ABHD12: variants seen among roughly 807,000 people sequenced by gnomAD.
ABHD12 encodes the protein abhydrolase domain containing 12, lysophospholipase.
In ABHD12, 43 loss-of-function variants were observed where a neutral mutation model predicts 58.3. The observed-to-expected ratio is 0.74, with a 90% CI of 0.58 to 0.95. The LOEUF is 0.95. Among genes scored for constraint, ABHD12 ranks in the 40% least tolerant of loss-of-function variants. The pLI, the probability that ABHD12 is intolerant of heterozygous loss-of-function variation, is 0.00. For missense variants in ABHD12, 539 were observed against 537.2 expected (o/e 1.00, Z -0.03); for synonymous variants, 219 against 211.2 (o/e 1.04, Z -0.32).
intron 1 of ABHD12, among the ~76,000 whole-genome samples, chr20:25,358,606 G>A (rs1232982407): frequency 6.6e-6 from 1 of 152,180 alleles, no homozygotes; most frequent in African/African-American, 2.4e-5. Context: ...AACACAGCAA[G>A]TACCCAGAAG....
rs1034960218 is a variant in ABHD12, at chr20:25,302,354, G to C, written c.1030-8C>G. 1.2e-5 allele frequency: 19 copies of C among 1,612,954 alleles called. No individual in the cohort carries two copies. Among genetic ancestry groups the C allele is most frequent in the Non-Finnish European group, 1.6e-5 (19 of 1,179,908 alleles). Reference sequence around the variant, plus strand: ...TGCGGCGATGCTATAGAGCTGGGGAGAGAGGGGTCAGAGCCTGAGGCAGTG... The same window carrying C: ...TGCGGCGATGCTATAGAGCTGGGGACAGAGGGGTCAGAGCCTGAGGCAGTG... On this transcript the variant is annotated splice_region_variant and splice_polypyrimidine_tract_variant and intron_variant, in intron 11 of 12. Coordinates refer to ENST00000339157, the MANE Select transcript of ABHD12 (RefSeq NM_001042472.3).
chr20:25,370,874 C>T (rs1268791240), intron 1 of ABHD12, among the ~76,000 whole-genome samples: 3 of 145,458 alleles, frequency 2.1e-5, no homozygotes, highest in African/African-American at 7.7e-5. Context: ...TTGGTAGAGA[C>T]AGGTTTCACC....
rs1177575890 is a variant in ABHD12, at chr20:25,335,829, G to T, written c.316+3398C>A. 1.8e-4 allele frequency among the ~76,000 whole-genome samples: 19 copies of T among 107,630 alleles called. No homozygotes were observed. In the East Asian group the frequency reaches 5.4e-3, roughly 31 times the overall value. The allele number at this position is 107,630 out of a possible 152,430, so 70.6% of individuals were successfully genotyped here. On this transcript the variant is annotated intron_variant, in intron 2 of 12. Coordinates refer to ENST00000339157, the MANE Select transcript of ABHD12 (RefSeq NM_001042472.3). ...TTGTGGGGTGGGGGGAGGGGGGAGGGATAGCATTGGGAGATATACCTAATG... is the reference window on the plus strand; with the variant it reads ...TTGTGGGGTGGGGGGAGGGGGGAGGTATAGCATTGGGAGATATACCTAATG...
At chr20:25,377,249 G>A (rs573325583) in intron 1 of ABHD12, among the ~76,000 whole-genome samples, 1 of 152,174 alleles carries the variant, frequency 6.6e-6, no homozygotes, top group South Asian at 2.1e-4. Context: ...AAGGTGTCCT[G>A]TGTCCCCAAA....
chr20:25,351,032 AC>A (rs2089594246), intron 1 of ABHD12, among the ~76,000 whole-genome samples: 2 of 151,316 alleles, frequency 1.3e-5, no homozygotes, highest in African/African-American at 2.4e-5. Context: ...TGGTATATAA[AC>A]CTTCACCTCT....
At chr20:25,316,016 T>C (rs1311525084) in intron 5 of ABHD12, among the ~76,000 whole-genome samples, 2 of 152,176 alleles carry the variant, frequency 1.3e-5, no homozygotes, top group East Asian at 3.9e-4. Context: ...CGCCCTGCCC[T>C]AGGCACCCCC....
intron 6 of ABHD12, among the ~76,000 whole-genome samples, chr20:25,310,817 G>A (rs2088835721): frequency 6.6e-6 from 1 of 152,170 alleles, no homozygotes; most frequent in Non-Finnish European, 1.5e-5. Context: ...GAGAGAGACA[G>A]AGGGACAGTC....
chr20:25,300,241 TAAAG>T lies in ABHD12; in HGVS notation c.*600_*603del. The T allele has an allele frequency of 1.0e-6, 1 of 999,182 alleles. No individual in the cohort carries two copies. 61.9% of individuals were successfully genotyped at this position (999,182 alleles called of 1,614,324 possible). ...CCACCACCACGATTTTATTCTTAAATAAAGCTCAGTCTAAGGCCAGGTTAGGTGT... is the reference window on the plus strand; with the variant it reads ...CCACCACCACGATTTTATTCTTAAATCTCAGTCTAAGGCCAGGTTAGGTGT... On this transcript the variant is annotated 3_prime_UTR_variant, in exon 13 of 13. Coordinates refer to ENST00000339157, the MANE Select transcript of ABHD12 (RefSeq NM_001042472.3).
intron 1 of ABHD12, among the ~76,000 whole-genome samples, chr20:25,364,538 C>T: frequency 6.6e-6 from 1 of 152,188 alleles, no homozygotes; most frequent in East Asian, 1.9e-4. Flanking sequence ...CCCAGCCATT[C>T]ATAAGGAATC....
chr20:25,389,521 A>G (rs1182110031), intron 1 of ABHD12, among the ~76,000 whole-genome samples: 1 of 152,166 alleles, frequency 6.6e-6, no homozygotes, highest in Admixed American at 6.5e-5. Context: ...TCAAACCACC[A>G]CGAAGTAGCA....
At chr20:25,380,798 C>A (rs2090013340) in intron 1 of ABHD12, among the ~76,000 whole-genome samples, 1 of 152,144 alleles carries the variant, frequency 6.6e-6, no homozygotes. Context: ...CCTGTCACAG[C>A]CATGGTCAGG....
intron 1 of ABHD12, among the ~76,000 whole-genome samples, chr20:25,354,039 T>C (rs1487277909): frequency 6.6e-6 from 1 of 152,210 alleles, no homozygotes; most frequent in African/African-American, 2.4e-5. Flanking sequence ...AATGGGAATT[T>C]GGAGACAAAG....
intron 1 of ABHD12, among the ~76,000 whole-genome samples, chr20:25,374,179 T>C (rs1193341716): frequency 1.3e-5 from 2 of 152,050 alleles, no homozygotes; most frequent in Non-Finnish European, 2.9e-5. Flanking sequence ...TCCTTCTTTA[T>C]CCTCCCAAAG....
chr20:25,323,219 T>G, intron 3 of ABHD12, 106 bp downstream of exon 3: 1 of 788,002 alleles, frequency 1.3e-6, no homozygotes, highest in East Asian at 2.4e-5. Context: ...GAGGTGAAGA[T>G]AAAAATGAAC....
intron 5 of ABHD12, among the ~76,000 whole-genome samples, 185 bp downstream of exon 5, chr20:25,316,863 G>A (rs1010298666): frequency 6.6e-6 from 1 of 152,216 alleles, no homozygotes; most frequent in Non-Finnish European, 1.5e-5. Context: ...GGAGGTCGAC[G>A]CTGCAGTGCG....
At chr20:25,369,453 C>T (rs886489848) in intron 1 of ABHD12, among the ~76,000 whole-genome samples, 4 of 152,182 alleles carry the variant, frequency 2.6e-5, no homozygotes, top group Non-Finnish European at 5.9e-5. Context: ...AAACACATTA[C>T]TCAGGAACCT....
At chr20:25,383,546 C>T (rs897012099) in intron 1 of ABHD12, among the ~76,000 whole-genome samples, 10 of 152,170 alleles carry the variant, frequency 6.6e-5, no homozygotes, top group African/African-American at 2.4e-4. Flanking sequence ...TTGGGCTGGG[C>T]GCGGTGGCTC....
intron 1 of ABHD12, among the ~76,000 whole-genome samples, chr20:25,347,493 A>AT (rs1277234022): frequency 1.3e-5 from 2 of 152,054 alleles, no homozygotes; most frequent in East Asian, 1.9e-4. Flanking sequence ...AATAAAATTT[A>AT]TTTTTTCTAG....
downstream of ABHD12, chr20:25,295,650 C>A (rs2088530103): frequency 6.2e-7 from 1 of 1,613,924 alleles, no homozygotes; most frequent in African/African-American, 1.3e-5. Flanking sequence ...GTGCCAGGCA[C>A]AGGTGGACCA....
Sources: gnomAD v4.1 joint callset for allele counts (sites outside exome capture counted in the v4.1 genomes callset) on GRCh38, gnomAD v4.1.1 for gene constraint, MANE v1.5 for transcripts, NCBI Gene and HGNC (gene_info 2026-07-23, HGNC 2026-07-21) for gene names.